The following SPATA16 variants were observed in gnomAD, a reference collection of about 807,000 sequenced individuals.
The protein encoded by SPATA16 is spermatogenesis-associated protein 16.
A neutral mutation model predicts 63.3 loss-of-function variants in SPATA16; 36 were observed. The ratio of observed to expected loss-of-function variants is 0.57; its 90% CI spans 0.44 to 0.75. SPATA16 has a LOEUF of 0.75. Among genes scored for constraint, SPATA16 ranks in the 30% least tolerant of loss-of-function variants. The pLI is 0.00. For missense variants in SPATA16, 646 were observed against 679.3 expected, an observed-to-expected ratio of 0.95 and a Z score of 0.54; for synonymous variants, 203 against 216.7, an observed-to-expected ratio of 0.94 and a Z score of 0.56.
intron 1 of SPATA16, among the ~76,000 whole-genome samples, chr3:173,137,865 A>ACACACACACACACG (rs1738592336): frequency 6.6e-6 from 1 of 150,850 alleles, no homozygotes; most frequent in Non-Finnish European, 1.5e-5. Context: ...ACACACACAC[A>ACACACACACACACG]CACACACAGA....
chr3:173,102,565 A>C (rs1416685243), intron 2 of SPATA16, among the ~76,000 whole-genome samples: 1 of 152,238 alleles, frequency 6.6e-6, no homozygotes, highest in South Asian at 2.1e-4. Context: ...TTAAACAACG[A>C]GATCTCATGA....
At chr3:172,904,613 C>CAA (rs1437443570) in intron 10 of SPATA16, among the ~76,000 whole-genome samples, 1 of 152,224 alleles carries the variant, frequency 6.6e-6, no homozygotes, top group Non-Finnish European at 1.5e-5. Context: ...ACTACAGGTG[C>CAA]AAAGTGGGTG....
intron 1 of SPATA16, among the ~76,000 whole-genome samples, chr3:173,125,927 G>A (rs1354644994): frequency 6.6e-6 from 1 of 152,122 alleles, no homozygotes; most frequent in African/African-American, 2.4e-5. Context: ...GTATCTTTTT[G>A]TTGTTGTTGT....
Position 172,916,556 on chromosome 3 carries a change from G to A in SPATA16, c.1339-75C>T. 2.7e-6 allele frequency: 4 copies of A among 1,478,806 alleles called. No homozygotes were observed. In the South Asian group the frequency reaches 3.4e-5, roughly 13 times the overall value. The allele number at this position is 1,478,806 out of a possible 1,614,324, so 91.6% of individuals were successfully genotyped here. A position where few individuals can be genotyped will look rare whatever the true frequency, so the allele number is the denominator to read the frequency against. Reference sequence around the variant, plus strand: ...CCTCTCCCCAGGGCTGGAAGTCAGGGCTTGTGATAACGTATTTACATCTTT... The same window carrying A: ...CCTCTCCCCAGGGCTGGAAGTCAGGACTTGTGATAACGTATTTACATCTTT... On this transcript the variant is annotated intron_variant, in intron 8 of 10. Coordinates refer to ENST00000351008, the MANE Select transcript of SPATA16 (RefSeq NM_031955.6).
chr3:173,105,434 A>C (rs1737596935), intron 2 of SPATA16, among the ~76,000 whole-genome samples: 1 of 152,152 alleles, frequency 6.6e-6, no homozygotes, highest in South Asian at 2.1e-4. Context: ...GTAACTAGCA[A>C]TTTCCTCAAA....
intron 2 of SPATA16, among the ~76,000 whole-genome samples, chr3:173,068,842 G>A (rs947642804): frequency 6.6e-6 from 1 of 151,092 alleles, no homozygotes; most frequent in Non-Finnish European, 1.5e-5. Flanking sequence ...CGGGCGTGGT[G>A]GCTCACGCCT....
intron 2 of SPATA16, among the ~76,000 whole-genome samples, chr3:173,091,797 G>T (rs935306831): frequency 1.6e-4 from 24 of 152,150 alleles, no homozygotes; most frequent in Non-Finnish European, 2.9e-4. Context: ...CCCTACGTTT[G>T]AGAAACTATA....
intron 3 of SPATA16, among the ~76,000 whole-genome samples, chr3:173,023,137 ATG>A (rs11282206): frequency 0.078 from 10,841 of 139,450 alleles, 614 homozygotes; most frequent in African/African-American, 0.18. Flanking sequence ...ATGCTTGTGT[ATG>A]TGTGTGTGTG....
chr3:172,938,538 A>C (rs1733066491), intron 6 of SPATA16, among the ~76,000 whole-genome samples: 1 of 152,192 alleles, frequency 6.6e-6, no homozygotes, highest in African/African-American at 2.4e-5. Flanking sequence ...GCCTCTAACA[A>C]GTTCTATTTA....
chr3:172,929,282 A>G (rs1732812134), intron 6 of SPATA16, among the ~76,000 whole-genome samples: 1 of 152,248 alleles, frequency 6.6e-6, no homozygotes, highest in Admixed American at 6.5e-5. Context: ...TTTTACCATT[A>G]GCAAAGTGGA....
At chr3:173,044,575 G>A (rs1028493403) in intron 3 of SPATA16, among the ~76,000 whole-genome samples, 2 of 151,884 alleles carry the variant, frequency 1.3e-5, no homozygotes, top group African/African-American at 4.8e-5. Context: ...TCTACATCTG[G>A]GTCTCGAAGA....
At chr3:173,064,510 A>C (rs1194006086) in intron 2 of SPATA16, among the ~76,000 whole-genome samples, 2 of 152,128 alleles carry the variant, frequency 1.3e-5, no homozygotes, top group East Asian at 3.9e-4. Context: ...CAGACCACTC[A>C]AAAACCCATT....
rs558672399 is a variant in SPATA16 at position 173,012,732 on chromosome 3, A to C, written c.848+6754T>G. ...GGACAGCTGGCTAGCCATATGCAGAAGAATGAAACTGGACCACTACCTTTC... is the reference window on the plus strand; with the variant it reads ...GGACAGCTGGCTAGCCATATGCAGACGAATGAAACTGGACCACTACCTTTC... On this transcript the variant is annotated intron_variant, in intron 4 of 10. Coordinates refer to ENST00000351008, the MANE Select transcript of SPATA16 (RefSeq NM_031955.6). Among the ~76,000 whole-genome samples, 8 of 152,380 alleles carry C rather than the reference A, an allele frequency of 5.3e-5. No homozygotes were observed. The South Asian group carries it at 1.7e-3, about 32-fold the overall frequency.
intron 2 of SPATA16, among the ~76,000 whole-genome samples, chr3:173,068,388 C>T (rs908192393): frequency 6.6e-6 from 1 of 152,106 alleles, no homozygotes; most frequent in Non-Finnish European, 1.5e-5. Context: ...TTTCTATTTG[C>T]TTCTTTGTTT....
chr3:173,044,734 A>C (rs561071773), intron 3 of SPATA16, among the ~76,000 whole-genome samples: 35 of 152,164 alleles, frequency 2.3e-4, no homozygotes, highest in Non-Finnish European at 4.4e-4. Context: ...GGATTATGAC[A>C]TATTTCCTGA....
At chr3:173,100,761 A>G (rs952517401) in intron 2 of SPATA16, among the ~76,000 whole-genome samples, 2 of 151,890 alleles carry the variant, frequency 1.3e-5, no homozygotes, top group African/African-American at 4.8e-5. Context: ...ACACAAGGTA[A>G]ATAAGGGTAG....
At position 172,910,117 on chromosome 3, in the gene SPATA16, A is replaced by G. The variant is rs185781367; in HGVS notation, c.1587+3544T>C. 6.4e-3 allele frequency among the ~76,000 whole-genome samples: 904 copies of G among 141,314 alleles called. 11 individuals are homozygous for G. Among genetic ancestry groups the G allele is most frequent in the African/African-American group, 0.023 (856 of 37,544 alleles). 92.7% of individuals were successfully genotyped at this position (141,314 alleles called of 152,430 possible). On this transcript the variant is annotated intron_variant, in intron 10 of 10. Coordinates refer to ENST00000351008, the MANE Select transcript of SPATA16 (RefSeq NM_031955.6). Reference sequence around the variant, plus strand: ...CTTTTTTTTTTTTTTTTTTTGAGACAGAGTCTCACTCTGTCGCCCAGGCTG... The same window carrying G: ...CTTTTTTTTTTTTTTTTTTTGAGACGGAGTCTCACTCTGTCGCCCAGGCTG...
chr3:173,079,250 A>G (rs1322223345), intron 2 of SPATA16, among the ~76,000 whole-genome samples: 2 of 152,094 alleles, frequency 1.3e-5, no homozygotes, highest in Admixed American at 1.3e-4. Context: ...GATATCTTAT[A>G]TGCAGTCATC....
chr3:173,081,170 C>G (rs922977318), intron 2 of SPATA16, among the ~76,000 whole-genome samples: 3 of 152,184 alleles, frequency 2.0e-5, no homozygotes, highest in Non-Finnish European at 4.4e-5. Flanking sequence ...AACACGGTAG[C>G]TAGCAGATGC....
Sources: gnomAD v4.1 joint callset for allele counts (sites outside exome capture counted in the v4.1 genomes callset) on GRCh38, gnomAD v4.1.1 for gene constraint, MANE v1.5 for transcripts, NCBI Gene and HGNC (gene_info 2026-07-23, HGNC 2026-07-21) for gene names.